Variants in ELAVL2 observed in about 807,000 individuals in gnomAD.
The protein encoded by ELAVL2 is ELAV like RNA binding protein 2, also known as ELAV-like protein 2.
Under a neutral mutation model 34.6 loss-of-function variants are expected in ELAVL2, and 4 were observed. That is an observed-to-expected ratio of 0.12 (90% confidence interval 0.06 to 0.26). The LOEUF is 0.26. Ranked by LOEUF, ELAVL2 falls within the 10% of genes least tolerant of loss-of-function variation. The probability of loss-of-function intolerance (pLI) is 1.00; values close to 1 mark genes in which losing one functional copy is unlikely to be tolerated. For synonymous variants in ELAVL2, 193 were observed against 154.8 expected (o/e 1.25, Z -1.83); for missense variants, 432 against 442.8 (o/e 0.98, Z 0.22).
chr9:23,702,966 A>AAAAAAAAC (rs2037887133), intron 4 of ELAVL2, among the ~76,000 whole-genome samples: 2 of 143,014 alleles, frequency 1.4e-5, no homozygotes, highest in Non-Finnish European at 3.0e-5. Flanking sequence ...AAAAAAAAAA[A>AAAAAAAAC]AAAAAAAAAA....
At chr9:23,821,314 C>T (rs2064663447) in intron 1 of ELAVL2, 1 of 152,392 alleles carries the variant, frequency 6.6e-6, no homozygotes, top group South Asian at 2.1e-4. Context: ...GCGACTGTCC[C>T]CGCTCGGCTC....
chr9:23,826,306 A>G (rs1346212838), upstream of ELAVL2: 3 of 152,378 alleles, frequency 2.0e-5, no homozygotes, highest in Non-Finnish European at 4.4e-5. Context: ...CTGCCTCCGC[A>G]CTGCCGTGTG....
intron 2 of ELAVL2, among the ~76,000 whole-genome samples, chr9:23,733,796 C>G (rs954096765): frequency 6.6e-6 from 1 of 152,122 alleles, no homozygotes; most frequent in African/African-American, 2.4e-5. Context: ...GAGAAACTTA[C>G]TGATGTTATT....
intron 2 of ELAVL2, among the ~76,000 whole-genome samples, chr9:23,751,209 C>A (rs78707678): frequency 1.3e-5 from 2 of 152,040 alleles, no homozygotes; most frequent in East Asian, 3.9e-4. Flanking sequence ...GCAGTATGTA[C>A]AAAACAGAGT....
Position 23,733,053 on chromosome 9 carries a change from T to C in ELAVL2, c.230-1928A>G, listed in dbSNP as rs371815355. Among the ~76,000 whole-genome samples the C allele has an allele frequency of 1.1e-4, 17 of 151,878 alleles. No individual in the cohort carries two copies. In the East Asian group the frequency reaches 1.4e-3, roughly 12 times the overall value. Reference sequence around the variant, plus strand: ...GCTATTCTATGACAAAATAAATCAATTGTATCAGCATAGTCTAATTGCCCT... The same window carrying C: ...GCTATTCTATGACAAAATAAATCAACTGTATCAGCATAGTCTAATTGCCCT... On this transcript the variant is annotated intron_variant, in intron 2 of 6. Transcript: ENST00000397312.
At chr9:23,779,026 G>A (rs116984824) in intron 1 of ELAVL2, among the ~76,000 whole-genome samples, 4,431 of 152,266 alleles carry the variant, frequency 0.029, 87 homozygotes, top group East Asian at 0.075. Context: ...AGGGGCCAAT[G>A]AAGTGCTTTA....
At chr9:23,776,100 T>C (rs2058146911) in intron 1 of ELAVL2, among the ~76,000 whole-genome samples, 1 of 152,180 alleles carries the variant, frequency 6.6e-6, no homozygotes, top group South Asian at 2.1e-4. Flanking sequence ...AAATTTCCAT[T>C]GCAACCCTGT....
intron 2 of ELAVL2, among the ~76,000 whole-genome samples, chr9:23,758,944 T>C (rs1204935353): frequency 6.6e-6 from 1 of 152,020 alleles, no homozygotes; most frequent in African/African-American, 2.4e-5. Context: ...CATCTTTCAA[T>C]CTTATACACA....
At chr9:23,705,584 G>A (rs2133375120) in intron 3 of ELAVL2, among the ~76,000 whole-genome samples, 1 of 152,310 alleles carries the variant, frequency 6.6e-6, no homozygotes, top group East Asian at 1.9e-4. Context: ...AACCTTTTTG[G>A]TACCAGGGAC....
rs2033401005 is a variant in ELAVL2 at position 23,692,251 on chromosome 9, A to G, written c.*306T>C. ...GTTCAAGGCAGTTATGTAAAAAGAAAAGAAATGTCTTCCCTTAGCTGAAAC... is the reference window on the plus strand; with the variant it reads ...GTTCAAGGCAGTTATGTAAAAAGAAGAGAAATGTCTTCCCTTAGCTGAAAC... On this transcript the variant is annotated 3_prime_UTR_variant, in exon 7 of 7. Coordinates refer to ENST00000397312, the MANE Select transcript of ELAVL2 (RefSeq NM_004432.5). 1 of 240,088 alleles carries G rather than the reference A, an allele frequency of 4.2e-6. No homozygotes were observed. Among genetic ancestry groups the G allele is most frequent in the Admixed American group, 4.9e-5 (1 of 20,520 alleles). 14.9% of individuals were successfully genotyped at this position (240,088 alleles called of 1,614,324 possible).
chr9:23,832,423 C>T, the ELAVL2 span: 23 of 152,044 alleles, frequency 1.5e-4, no homozygotes, highest in African/African-American at 5.3e-4. Context: ...TCTGTCTGCT[C>T]TTTTGGATAT....
At chr9:23,720,044 C>T (rs1289397044) in intron 3 of ELAVL2, among the ~76,000 whole-genome samples, 6 of 151,930 alleles carry the variant, frequency 3.9e-5, no homozygotes, top group Non-Finnish European at 8.8e-5. Context: ...CCACGCTGAT[C>T]TCAAACTCCG....
At chr9:23,770,786 T>C (rs1051383053) in intron 1 of ELAVL2, among the ~76,000 whole-genome samples, 1 of 152,192 alleles carries the variant, frequency 6.6e-6, no homozygotes, top group African/African-American at 2.4e-5. Context: ...ATAAATCTTG[T>C]ATTGTTTTAA....
chr9:23,770,763 G>C (rs2057158179), intron 1 of ELAVL2, among the ~76,000 whole-genome samples: 1 of 152,142 alleles, frequency 6.6e-6, no homozygotes, highest in Non-Finnish European at 1.5e-5. Context: ...ATGTTCTTCG[G>C]AATTTTAAGA....
upstream of ELAVL2, among the ~76,000 whole-genome samples, chr9:23,830,601 T>TACACACAC (rs10525135): frequency 0.079 from 10,551 of 133,062 alleles, 559 homozygotes; most frequent in East Asian, 0.11. Context: ...GCCCCCCACT[T>TACACACAC]ACACACACAC....
chr9:23,788,167 T>C lies in ELAVL2; in HGVS notation c.-15-25918A>G, dbSNP rs1170868601. Reference sequence around the variant, plus strand: ...TAGGAAAATAAGGAAAAAATAACAGTTGACTAACCTAAAGCCAATGGACCA... The same window carrying C: ...TAGGAAAATAAGGAAAAAATAACAGCTGACTAACCTAAAGCCAATGGACCA... On this transcript the variant is annotated intron_variant, in intron 1 of 6. Coordinates refer to ENST00000397312, the MANE Select transcript of ELAVL2 (RefSeq NM_004432.5). 3.3e-5 allele frequency among the ~76,000 whole-genome samples: 5 copies of C among 152,174 alleles called. No individual in the cohort carries two copies. The East Asian group carries it at 7.7e-4, about 23-fold the overall frequency.
At chr9:23,732,220 C>T (rs994037976) in intron 2 of ELAVL2, among the ~76,000 whole-genome samples, 6 of 152,098 alleles carry the variant, frequency 3.9e-5, no homozygotes, top group African/African-American at 1.2e-4. Flanking sequence ...GATGGGGCAC[C>T]GTAGGTGCAA....
At chr9:23,723,482 T>C (rs1418933644) in intron 3 of ELAVL2, among the ~76,000 whole-genome samples, 1 of 151,916 alleles carries the variant, frequency 6.6e-6, no homozygotes, top group Non-Finnish European at 1.5e-5. Context: ...AGTTAATGGG[T>C]GCAGCACACC....
Position 23,692,465 on chromosome 9 carries a change from C to CTGT in ELAVL2, c.*91_*92insACA. 1 of 1,346,752 alleles carries CTGT rather than the reference C, an allele frequency of 7.4e-7. No individual in the cohort carries two copies. Among genetic ancestry groups the CTGT allele is most frequent in the Non-Finnish European group, 1.0e-6 (1 of 999,682 alleles). The allele number at this position is 1,346,752 out of a possible 1,614,324, so 83.4% of individuals were successfully genotyped here. On this transcript the variant is annotated 3_prime_UTR_variant, in exon 7 of 7. Transcript: ENST00000397312. The stretch of plus-strand genomic sequence containing the variant: ...CATTTTATCCCCATCTCAACACTGA[C>CTGT]TTACAAAGACATTTACTAATGTATA...
Sources: gnomAD v4.1 joint callset for allele counts (sites outside exome capture counted in the v4.1 genomes callset) on GRCh38, gnomAD v4.1.1 for gene constraint, MANE v1.5 for transcripts, NCBI Gene and HGNC (gene_info 2026-07-23, HGNC 2026-07-21) for gene names.